Variants in CCDC7 observed in about 807,000 individuals in gnomAD.
CCDC7 encodes the protein coiled-coil domain-containing protein 7.
Under a neutral mutation model 196.9 loss-of-function variants are expected in CCDC7, and 183 were observed. That is an observed-to-expected ratio of 0.93 (90% CI 0.82 to 1.05). CCDC7 has a LOEUF of 1.05. Among genes scored for constraint, CCDC7 ranks in the 50% least tolerant of loss-of-function variants. The pLI is 0.00. For missense variants in CCDC7, 1,540 were observed against 1,482.2 expected (o/e 1.04, Z -0.64); for synonymous variants, 525 against 484.6 (o/e 1.08, Z -1.10).
At chr10:32,730,923 A>G (rs1307293496) in intron 28 of CCDC7, among the ~76,000 whole-genome samples, 1 of 152,060 alleles carries the variant, frequency 6.6e-6, no homozygotes, top group African/African-American at 2.4e-5. Context: ...AATTTTGTTC[A>G]TGGATATGTA....
intron 18 of CCDC7, among the ~76,000 whole-genome samples, chr10:32,629,924 A>C (rs2064606014): frequency 6.6e-6 from 1 of 152,190 alleles, no homozygotes; most frequent in South Asian, 2.1e-4. Context: ...AGAAGTTTCA[A>C]ACCCACCTTG....
intron 8 of CCDC7, among the ~76,000 whole-genome samples, chr10:32,484,120 A>G (rs2040526677): frequency 6.6e-6 from 1 of 152,144 alleles, no homozygotes; most frequent in Non-Finnish European, 1.5e-5. Context: ...GATTCTTCCT[A>G]TCCATGAGCA....
At chr10:32,458,278 A>G (rs1029814533) in intron 3 of CCDC7, among the ~76,000 whole-genome samples, 1 of 152,082 alleles carries the variant, frequency 6.6e-6, no homozygotes, top group Non-Finnish European at 1.5e-5. Context: ...CCATTTATTG[A>G]AAAGACTGTC....
At chr10:32,467,108 T>C (rs911488982) in intron 5 of CCDC7, among the ~76,000 whole-genome samples, 1 of 110,714 alleles carries the variant, frequency 9.0e-6, no homozygotes, top group African/African-American at 2.7e-5. Flanking sequence ...TTTGTCCACT[T>C]TTTTTTTTTT....
intron 31 of CCDC7, among the ~76,000 whole-genome samples, 171 bp from the exon 33 acceptor site, chr10:32,824,347 A>C (rs983989454): frequency 2.0e-5 from 3 of 152,134 alleles, no homozygotes; most frequent in African/African-American, 7.2e-5. Flanking sequence ...TATGATTGTT[A>C]ATTGTTAATT....
At chr10:32,515,041 G>T (rs912471620) in intron 9 of CCDC7, among the ~76,000 whole-genome samples, 6 of 152,044 alleles carry the variant, frequency 3.9e-5, no homozygotes, top group African/African-American at 1.4e-4. Context: ...GCCTAGGCTC[G>T]TCTTGAACTC....
intron 21 of CCDC7, among the ~76,000 whole-genome samples, chr10:32,674,289 AT>A (rs527431283): frequency 8.8e-4 from 133 of 151,680 alleles, no homozygotes; most frequent in African/African-American, 3.2e-3. Context: ...AGTTTTGTGG[AT>A]TTTTTAAAAT....
intron 24 of CCDC7, among the ~76,000 whole-genome samples, chr10:32,700,185 T>C (rs1460114259): frequency 3.3e-5 from 5 of 149,634 alleles, no homozygotes; most frequent in East Asian, 3.8e-4. Context: ...TTTATGGTTT[T>C]AGGTCTAACA....
intron 18 of CCDC7, chr10:32,623,700 T>C (rs116937245): frequency 0.027 from 12,560 of 467,754 alleles, 236 homozygotes; most frequent in Non-Finnish European, 0.041. Flanking sequence ...AGGTCTTATT[T>C]TGTCTCATGG....
intron 20 of CCDC7, among the ~76,000 whole-genome samples, chr10:32,638,787 A>G (rs576018873): frequency 1.3e-5 from 2 of 152,304 alleles, no homozygotes; most frequent in South Asian, 2.1e-4. Context: ...ATTGATTGGA[A>G]TAGTTTCAGA....
rs912552699 is a variant in CCDC7, at chr10:32,574,333, CATATT to C, written c.1454+2448_1454+2452del. 120 of 574,838 alleles carry C rather than the reference CATATT, an allele frequency of 2.1e-4. 1 individual carries two copies. Among genetic ancestry groups the C allele is most frequent in the Non-Finnish European group, 2.5e-4 (104 of 409,276 alleles). 35.6% of individuals were successfully genotyped at this position (574,838 alleles called of 1,614,324 possible). On this transcript the variant is annotated intron_variant, in intron 16 of 41. Transcript: ENST00000639629. The stretch of plus-strand genomic sequence containing the variant: ...TATTATATAATAATATAATATATTA[CATATT>C]ATATTATGTTGCTAAATATAATAAA...
At chr10:32,810,450 C>T (rs1026859682) in intron 30 of CCDC7, among the ~76,000 whole-genome samples, 20 of 152,024 alleles carry the variant, frequency 1.3e-4, no homozygotes, top group African/African-American at 4.6e-4. Context: ...ATAAAAGGAT[C>T]AATTCAGAAA....
chr10:32,679,387 A>G (rs902486965), intron 21 of CCDC7, among the ~76,000 whole-genome samples: 3 of 152,090 alleles, frequency 2.0e-5, no homozygotes, highest in Non-Finnish European at 2.9e-5. Flanking sequence ...GCCCAGGGGT[A>G]GTGCTGTTTG....
intron 7 of CCDC7, among the ~76,000 whole-genome samples, 196 bp from the exon 9 acceptor site, chr10:32,473,771 A>G (rs536469707): frequency 5.3e-5 from 8 of 152,376 alleles, no homozygotes; most frequent in Admixed American, 2.6e-4. Context: ...GTTTATAATC[A>G]GCTGTTACAC....
chr10:32,635,378 TA>T lies in CCDC7; in HGVS notation c.2014+221del, dbSNP rs372793365. On this transcript the variant is annotated intron_variant, in intron 20 of 41. Transcript: ENST00000639629. ...TTTATAATAATGTCAGGTTTTACTT[TA>T]TATCTTATGACATTTTATTATTAAT... 3.8e-3 allele frequency among the ~76,000 whole-genome samples: 579 copies of T among 152,340 alleles called. 5 individuals are homozygous for T. The highest frequency in any genetic ancestry group is 0.013 in the African/African-American group (559 of 41,596).
chr10:32,530,267 T>C (rs1233218831), intron 11 of CCDC7, among the ~76,000 whole-genome samples: 1 of 152,168 alleles, frequency 6.6e-6, no homozygotes, highest in Non-Finnish European at 1.5e-5. Flanking sequence ...CTTTTTTCAT[T>C]CCACATGAAT....
At chr10:32,574,341 A>T in intron 16 of CCDC7, 1 of 808,996 alleles carries the variant, frequency 1.2e-6, no homozygotes, top group Non-Finnish European at 1.7e-6. Context: ...TACATATTAT[A>T]TTATGTTGCT....
chr10:32,560,323 G>A (rs1228736291), intron 13 of CCDC7, among the ~76,000 whole-genome samples: 2 of 152,182 alleles, frequency 1.3e-5, no homozygotes, highest in East Asian at 1.9e-4. Context: ...TACAGAGAAC[G>A]CCACAAAGAT....
At chr10:32,613,076 T>G (rs939024408) in intron 18 of CCDC7, among the ~76,000 whole-genome samples, 14 of 152,196 alleles carry the variant, frequency 9.2e-5, no homozygotes. Flanking sequence ...TGGTAGGCTA[T>G]TAATTACTGC....
Sources: gnomAD v4.1 joint callset for allele counts (sites outside exome capture counted in the v4.1 genomes callset) on GRCh38, gnomAD v4.1.1 for gene constraint, MANE v1.5 for transcripts, NCBI Gene and HGNC (gene_info 2026-07-23, HGNC 2026-07-21) for gene names.